The following LRRC40 variants were observed in gnomAD, a reference collection of about 807,000 sequenced individuals.
LRRC40 encodes the protein leucine rich repeat containing 40, also known as leucine-rich repeat-containing protein 40.
Under a neutral mutation model 72.8 loss-of-function variants are expected in LRRC40, and 76 were observed. That is an observed-to-expected ratio of 1.04 (90% confidence interval 0.87 to 1.26). The LOEUF is 1.26. Among genes scored for constraint, LRRC40 ranks in the 50% most tolerant of loss-of-function variants. The pLI, the probability that LRRC40 is intolerant of heterozygous loss-of-function variation, is 0.00. For missense variants in LRRC40, 684 were observed against 698.9 expected (o/e 0.98, Z 0.24); for synonymous variants, 243 against 254.2 (o/e 0.96, Z 0.42).
intron 1 of LRRC40, among the ~76,000 whole-genome samples, chr1:70,198,327 A>G (rs972985002): frequency 6.6e-6 from 1 of 152,198 alleles, no homozygotes; most frequent in Non-Finnish European, 1.5e-5. Flanking sequence ...TTTCAGATCA[A>G]CAGTGCAGTT....
Position 70,198,811 on chromosome 1 carries a change from T to C in LRRC40, c.151+6579A>G, listed in dbSNP as rs148095155. ...TCAAGTGACAAGGAAAATGTACAAA[T>C]AGAAGCCAGAAAAACAGGAGTCAGT... On this transcript the variant is annotated intron_variant, in intron 1 of 14. Coordinates refer to ENST00000370952, the MANE Select transcript of LRRC40 (RefSeq NM_017768.5). Among the ~76,000 whole-genome samples the C allele has an allele frequency of 4.5e-3, 684 of 152,154 alleles. 6 individuals are homozygous for C. Among genetic ancestry groups the C allele is most frequent in the African/African-American group, 0.016 (671 of 41,500 alleles).
rs1668237414 is a variant in LRRC40, at chr1:70,181,193, T to C, written c.554A>G (p.His185Arg). 1.9e-6 allele frequency: 3 copies of C among 1,555,102 alleles called. No homozygotes were observed. The highest frequency in any genetic ancestry group is 2.1e-5 in the Admixed American group (1 of 48,120). ...NLEDLDLSNN[H>R]LTTVPASFSS... The stretch of plus-strand genomic sequence containing the variant: ...AAAACTAGCAGGAACAGTTGTAAGA[T>C]GATTGTTTGAAAGATCCTTTAAAAA... Residue 185 changes from histidine (H) to arginine (R), a missense_variant, in exon 5 of 15, where the codon CAT becomes CGT. His to Arg is a conservative substitution (Grantham distance 29, BLOSUM62 0). Transcript: ENST00000370952.
chr1:70,192,330 CTT>C (rs1668519672), intron 1 of LRRC40, among the ~76,000 whole-genome samples: 1 of 151,902 alleles, frequency 6.6e-6, no homozygotes, highest in Non-Finnish European at 1.5e-5. Context: ...TATCCTGAAA[CTT>C]TGCTGAAAAG....
At chr1:70,162,281 A>G (rs1323476850) in intron 9 of LRRC40, among the ~76,000 whole-genome samples, 2 of 147,774 alleles carry the variant, frequency 1.4e-5, no homozygotes, top group Non-Finnish European at 3.0e-5. Context: ...GGGTGGCTAC[A>G]AAAAAAAAAG....
intron 10 of LRRC40, among the ~76,000 whole-genome samples, chr1:70,156,051 T>C (rs1667630149): frequency 6.6e-6 from 1 of 152,218 alleles, no homozygotes; most frequent in East Asian, 1.9e-4. Flanking sequence ...TGAATAAAAA[T>C]AGATATTTAT....
intron 9 of LRRC40, among the ~76,000 whole-genome samples, chr1:70,161,376 G>A (rs534039554): frequency 6.6e-6 from 1 of 151,904 alleles, no homozygotes; most frequent in African/African-American, 2.4e-5. Context: ...GAGCCACCAC[G>A]CCCAGCCATG....
chr1:70,191,864 A>C (rs974374773), intron 1 of LRRC40, among the ~76,000 whole-genome samples: 3 of 152,192 alleles, frequency 2.0e-5, no homozygotes, highest in Non-Finnish European at 2.9e-5. Flanking sequence ...AAACATATAC[A>C]TAAATTTAAA....
At position 70,148,588 on chromosome 1, in the gene LRRC40, G is replaced by C; in HGVS notation, c.1602C>G (p.Asp534Glu). 1 of 1,612,722 alleles carries C rather than the reference G, an allele frequency of 6.2e-7. No homozygotes were observed. The change falls in exon 14 of 15, where the codon GAC (aspartate) becomes GAG (glutamate). Residue 534 changes from aspartate to glutamate, a missense_variant. Physicochemically the swap from Asp to Glu is conservative, Grantham distance 45. Transcript: ENST00000370952. ...LISNNQVGSV[D>E]PQKMKMMENL... Reference sequence around the variant, plus strand: ...TTTCCATCATCTTCATTTTCTGAGGGTCCACAGATCCAACCTGATTATTAC... The same window carrying C: ...TTTCCATCATCTTCATTTTCTGAGGCTCCACAGATCCAACCTGATTATTAC...
intron 1 of LRRC40, among the ~76,000 whole-genome samples, chr1:70,202,568 T>C (rs1668771768): frequency 6.6e-6 from 1 of 152,104 alleles, no homozygotes; most frequent in African/African-American, 2.4e-5. Flanking sequence ...GCACACAGGA[T>C]TTTTAGGGAA....
chr1:70,183,406 G>GA (rs1668289456), intron 4 of LRRC40, among the ~76,000 whole-genome samples: 1 of 149,108 alleles, frequency 6.7e-6, no homozygotes, highest in Non-Finnish European at 1.5e-5. Context: ...GTGGTAAAAT[G>GA]GAAAAAAAAA....
intron 9 of LRRC40, 67 bp from the exon 10 acceptor site, chr1:70,159,505 A>T (rs1265207351): frequency 4.2e-6 from 3 of 718,958 alleles, no homozygotes; most frequent in Non-Finnish European, 7.3e-6. Flanking sequence ...ATTCTTGATA[A>T]TATATTAAAA....
intron 9 of LRRC40, among the ~76,000 whole-genome samples, chr1:70,162,066 A>G (rs1039878212): frequency 6.6e-6 from 1 of 152,196 alleles, no homozygotes; most frequent in African/African-American, 2.4e-5. Flanking sequence ...ATTGAAAAGA[A>G]TTTGCCATCT....
Position 70,189,200 on chromosome 1 carries a change from A to G in LRRC40, c.225T>C (p.Thr75=). Residue 75 remains threonine (T), a synonymous_variant, in exon 2 of 15, where the codon ACT becomes ACC. Transcript: ENST00000370952. Reference sequence around the variant, plus strand: ...AATCTGTCTGCTCCCACCATCTTTCAGTAGCACCAAACGAAAGATTCTGAT... The same window carrying G: ...AATCTGTCTGCTCCCACCATCTTTCGGTAGCACCAAACGAAAGATTCTGAT... ...EANQNLSFGA[T]ERWWEQTDLT... 6.2e-7 allele frequency: 1 copy of G among 1,613,556 alleles called. No individual in the cohort carries two copies. The highest frequency in any genetic ancestry group is 1.3e-5 in the African/African-American group (1 of 74,884).
Position 70,205,523 on chromosome 1 carries a change from C to T in LRRC40, c.18G>A (p.Arg6=), listed in dbSNP as rs1276919773. 2 of 1,597,990 alleles carry T rather than the reference C, an allele frequency of 1.3e-6. No homozygotes were observed. The highest frequency in any genetic ancestry group is 1.7e-6 in the Non-Finnish European group (2 of 1,167,684). Reference sequence around the variant, plus strand: ...CAGCGCGGAGATCCTGCCCCGCTATCCGCTTCAGGCGCGACATGTTCAAAG... The same window carrying T: ...CAGCGCGGAGATCCTGCCCCGCTATTCGCTTCAGGCGCGACATGTTCAAAG... The part of the protein sequence containing the change: MSRLK[R]IAGQDLRAGF... Residue 6 remains arginine (R), a synonymous_variant, in exon 1 of 15, where the codon CGG becomes CGA. Coordinates refer to ENST00000370952, the MANE Select transcript of LRRC40 (RefSeq NM_017768.5).
chr1:70,173,206 CT>C (rs1242385959), intron 9 of LRRC40, among the ~76,000 whole-genome samples: 1 of 151,912 alleles, frequency 6.6e-6, no homozygotes, highest in Non-Finnish European at 1.5e-5. Flanking sequence ...CTTACTGAAT[CT>C]TTTTTGTTAA....
intron 9 of LRRC40, among the ~76,000 whole-genome samples, chr1:70,166,661 T>TA (rs201660385): frequency 0.2 from 27,744 of 139,194 alleles, 2,799 homozygotes; most frequent in East Asian, 0.41. Flanking sequence ...CGCTTCTAAA[T>TA]AAAAAAAAAA....
At chr1:70,195,730 T>G (rs753342109) in intron 1 of LRRC40, among the ~76,000 whole-genome samples, 14 of 152,056 alleles carry the variant, frequency 9.2e-5, no homozygotes, top group Non-Finnish European at 1.8e-4. Context: ...GCCTCCCGGG[T>G]TCAAGGGATT....
chr1:70,161,560 A>G (rs193098373), intron 9 of LRRC40, among the ~76,000 whole-genome samples: 4,115 of 151,400 alleles, frequency 0.027, 196 homozygotes, highest in African/African-American at 0.095. Context: ...AAAAAAAAAA[A>G]AAAGAAAGAA....
chr1:70,148,996 A>G (rs1277105389), intron 13 of LRRC40, among the ~76,000 whole-genome samples: 4 of 152,212 alleles, frequency 2.6e-5, no homozygotes, highest in Non-Finnish European at 5.9e-5. Context: ...CCATGTAGGT[A>G]TTCTTCCTTT....
Sources: allele counts gnomAD v4.1 joint callset (sites outside exome capture counted in the v4.1 genomes callset), GRCh38; gene constraint gnomAD v4.1.1; transcripts MANE v1.5; gene names NCBI Gene and HGNC (gene_info 2026-07-23, HGNC 2026-07-21).